The following DCDC2 variants were observed in gnomAD, a reference collection of about 807,000 sequenced individuals.
The protein encoded by DCDC2 is doublecortin domain containing 2, also known as doublecortin domain-containing protein 2.
DCDC2 carries 40 observed loss-of-function variants against 50.2 expected under a neutral mutation model. That is an observed-to-expected ratio of 0.80 (90% CI 0.62 to 1.04). The LOEUF (loss-of-function observed/expected upper bound fraction) is 1.04, where lower values mean the gene tolerates loss of function less well. DCDC2 is among the 50% of genes least tolerant of loss of function. The probability of loss-of-function intolerance (pLI) is 0.00; values close to 1 mark genes in which losing one functional copy is unlikely to be tolerated. For synonymous variants in DCDC2, 234 were observed against 210.6 expected, an observed-to-expected ratio of 1.11 and a Z score of -0.96; for missense variants, 570 against 581.9, an observed-to-expected ratio of 0.98 and a Z score of 0.21.
In DCDC2 at chr6:24,173,654, TCA is replaced by T. The variant is rs993721458; in HGVS notation, c.*1074_*1075del. 9.2e-5 allele frequency: 14 copies of T among 152,178 alleles called. No homozygotes were observed. Among genetic ancestry groups the T allele is most frequent in the African/African-American group, 2.4e-5 (1 of 41,452 alleles). The allele number at this position is 152,178 out of a possible 1,614,324, so 9.4% of individuals were successfully genotyped here. On this transcript the variant is annotated 3_prime_UTR_variant, in exon 10 of 10. Coordinates refer to ENST00000378454, the MANE Select transcript of DCDC2 (RefSeq NM_016356.5). ...AACTTCTAAAGTTTTACAATTTCTA[TCA>T]GATGCCTTCTAATTACAAAGAAATC... is the stretch of plus-strand genomic sequence containing the variant.
At chr6:24,297,514 A>G (rs541047671) in intron 4 of DCDC2, among the ~76,000 whole-genome samples, 15 of 152,320 alleles carry the variant, frequency 9.8e-5, no homozygotes, top group Middle Eastern at 3.4e-3. Flanking sequence ...TTTGAGCAAC[A>G]TAACTATACT....
intron 4 of DCDC2, among the ~76,000 whole-genome samples, chr6:24,295,055 T>A (rs547674725): frequency 3.3e-5 from 5 of 152,160 alleles, no homozygotes; most frequent in African/African-American, 9.6e-5. Flanking sequence ...TTGATGAACA[T>A]CAATACAAAA....
intron 1 of DCDC2, among the ~76,000 whole-genome samples, chr6:24,355,749 T>C (rs191282542): frequency 6.6e-6 from 1 of 151,958 alleles, no homozygotes; most frequent in Non-Finnish European, 1.5e-5. Context: ...TCCAAATATA[T>C]CCCTCACTTT....
At chr6:24,222,422 T>C (rs1762140445) in intron 7 of DCDC2, among the ~76,000 whole-genome samples, 1 of 152,252 alleles carries the variant, frequency 6.6e-6, no homozygotes, top group South Asian at 2.1e-4. Flanking sequence ...AGTCAAATTA[T>C]ATTCTTTTTT....
the DCDC2 span, among the ~76,000 whole-genome samples, chr6:24,367,555 C>CTGATGTTGA: frequency 2.6e-5 from 4 of 152,162 alleles, no homozygotes; most frequent in Admixed American, 2.6e-4. Context: ...CATCAGTTGA[C>CTGATGTTGA]CCCTAGATAG....
chr6:24,186,487 G>GCA (rs1350435287), intron 8 of DCDC2, among the ~76,000 whole-genome samples: 1 of 152,142 alleles, frequency 6.6e-6, no homozygotes, highest in Non-Finnish European at 1.5e-5. Flanking sequence ...GCACATGCGT[G>GCA]CATGTGCGCA....
chr6:24,287,541 G>C (rs1282864359), intron 6 of DCDC2, among the ~76,000 whole-genome samples: 1 of 152,090 alleles, frequency 6.6e-6, no homozygotes, highest in Non-Finnish European at 1.5e-5. Flanking sequence ...GCCTTGTGGG[G>C]TGAGGTTAAA....
chr6:24,352,612 G>A (rs572641357), intron 2 of DCDC2, among the ~76,000 whole-genome samples: 1 of 152,200 alleles, frequency 6.6e-6, no homozygotes, highest in South Asian at 2.1e-4. Context: ...TTCAAATACT[G>A]TACAATTAGA....
chr6:24,227,883 C>A (rs1404144783), intron 7 of DCDC2, among the ~76,000 whole-genome samples: 3 of 152,196 alleles, frequency 2.0e-5, no homozygotes. Context: ...ATTAACCTAT[C>A]AGGACAGGAA....
intron 8 of DCDC2, among the ~76,000 whole-genome samples, chr6:24,196,407 A>G (rs1053353042): frequency 4.6e-5 from 7 of 152,140 alleles, no homozygotes; most frequent in Non-Finnish European, 1.0e-4. Context: ...TAGATAGAAT[A>G]AGACTGATAA....
chr6:24,286,160 C>T (rs1763605550), intron 6 of DCDC2, among the ~76,000 whole-genome samples: 1 of 152,172 alleles, frequency 6.6e-6, no homozygotes, highest in African/African-American at 2.4e-5. Context: ...ACCGCACCAT[C>T]TTCCTCTAGG....
chr6:24,370,783 T>C, the DCDC2 span, among the ~76,000 whole-genome samples: 2 of 152,154 alleles, frequency 1.3e-5, no homozygotes, highest in Non-Finnish European at 2.9e-5. Context: ...CATGTTGACA[T>C]ATGTTATACA....
In DCDC2 at chr6:24,266,026, C is replaced by A. The variant is rs545012876; in HGVS notation, c.922+12023G>T. ...GACCAATGCAACAGAACAGAGAACC[C>A]AGAAATAAATCCATACACCTACAAT... is the stretch of plus-strand genomic sequence containing the variant. On this transcript the variant is annotated intron_variant, in intron 7 of 9. Transcript: ENST00000378454. Among the ~76,000 whole-genome samples, 42 of 151,950 alleles carry A rather than the reference C, an allele frequency of 2.8e-4. No homozygotes were observed. In the South Asian group the frequency reaches 8.1e-3, roughly 29 times the overall value.
At chr6:24,271,231 A>G (rs1763233523) in intron 7 of DCDC2, among the ~76,000 whole-genome samples, 4 of 142,632 alleles carry the variant, frequency 2.8e-5, no homozygotes, top group South Asian at 2.3e-4. Flanking sequence ...AAAAAGAGAG[A>G]GAGAGAGAGA....
chr6:24,346,146 T>C (rs1760249988), intron 2 of DCDC2, among the ~76,000 whole-genome samples: 1 of 120,950 alleles, frequency 8.3e-6, no homozygotes, highest in Non-Finnish European at 1.8e-5. Flanking sequence ...CAAAAGAGAC[T>C]CTGTCTAAAA....
chr6:24,295,213 A>T (rs925158069), intron 4 of DCDC2, among the ~76,000 whole-genome samples: 2 of 152,162 alleles, frequency 1.3e-5, no homozygotes, highest in Non-Finnish European at 2.9e-5. Context: ...CAGAACTTAA[A>T]ACAAAAACCA....
At chr6:24,290,581 C>A (rs890233059) in intron 5 of DCDC2, among the ~76,000 whole-genome samples, 4 of 152,056 alleles carry the variant, frequency 2.6e-5, no homozygotes, top group Non-Finnish European at 5.9e-5. Flanking sequence ...GTTATTTGGT[C>A]TAGCAACTAT....
chr6:24,356,042 T>C (rs771955876), intron 1 of DCDC2, among the ~76,000 whole-genome samples: 7 of 152,164 alleles, frequency 4.6e-5, no homozygotes, highest in Non-Finnish European at 1.0e-4. Context: ...AGAGTTACCA[T>C]GTGATCCAGC....
At chr6:24,312,746 G>A (rs1368550498) in intron 2 of DCDC2, among the ~76,000 whole-genome samples, 2 of 152,062 alleles carry the variant, frequency 1.3e-5, no homozygotes, top group Admixed American at 6.5e-5. Flanking sequence ...CCATAGCATC[G>A]GTTTGCATAT....
Sources: allele counts gnomAD v4.1 joint callset (sites outside exome capture counted in the v4.1 genomes callset), GRCh38; gene constraint gnomAD v4.1.1; transcripts MANE v1.5; gene names NCBI Gene and HGNC (gene_info 2026-07-23, HGNC 2026-07-21).